The following PRPF8 variants were observed in gnomAD, a reference collection of about 807,000 sequenced individuals.
The protein encoded by PRPF8 is pre-mRNA-processing-splicing factor 8.
A neutral mutation model predicts 285.9 loss-of-function variants in PRPF8; 64 were observed. The observed-to-expected ratio is 0.22, with a 90% confidence interval of 0.18 to 0.28. The LOEUF is 0.28. PRPF8 is among the 10% of genes least tolerant of loss of function. The pLI, the probability that PRPF8 is intolerant of heterozygous loss-of-function variation, is 1.00. For synonymous variants in PRPF8, 1,325 were observed against 1,118.2 expected, an observed-to-expected ratio of 1.18 and a Z score of -3.69; for missense variants, 1,426 against 3,026.7, an observed-to-expected ratio of 0.47 and a Z score of 12.41.
chr17:1,655,046 C>A, intron 37 of PRPF8: 2 of 382,000 alleles, frequency 5.2e-6, no homozygotes, highest in South Asian at 4.7e-5. Context: ...GCAACCTCTG[C>A]CCCCAGGTTC....
intron 36 of PRPF8, 25 bp from the exon 37 acceptor site, chr17:1,655,568 G>A (rs1911325795): frequency 1.3e-6 from 2 of 1,578,978 alleles, no homozygotes; most frequent in Non-Finnish European, 8.7e-7. Context: ...GGAAGAGTGG[G>A]GTAGGTCAGC....
At chr17:1,655,319 T>A (rs755839565) in intron 37 of PRPF8, 31 bp downstream of exon 37, 2 of 1,611,654 alleles carry the variant, frequency 1.2e-6, no homozygotes. Context: ...TATATAGACC[T>A]CCTGTCTGTG....
rs1485195703 is a variant in PRPF8 at position 1,676,399 on chromosome 17, C to T, written c.2389-29G>A. ...TAAGGTGGACATGAAATTAGCCTCC[C>T]GCTACAGCCCGATCCTGCCAGAACA... On this transcript the variant is annotated intron_variant, in intron 16 of 42. Transcript: ENST00000304992. This position sits in a 1 kb window ranked among gnomAD's most constrained non-coding sequence, Gnocchi z 6.3. 2.9e-5 allele frequency: 47 copies of T among 1,613,954 alleles called. No homozygotes were observed. The highest frequency in any genetic ancestry group is 8.3e-5 in the Admixed American group (5 of 60,000).
intron 24 of PRPF8, among the ~76,000 whole-genome samples, chr17:1,672,563 G>A (rs980674157): frequency 1.3e-5 from 2 of 152,202 alleles, no homozygotes; most frequent in Non-Finnish European, 2.9e-5. Flanking sequence ...GATTACAGGC[G>A]TGAGCCACCG....
In PRPF8 at chr17:1,660,495, G is replaced by A. The variant is rs922718068; in HGVS notation, c.4722C>T (p.Ile1574=). 1.2e-6 allele frequency: 2 copies of A among 1,614,090 alleles called. No individual in the cohort carries two copies. Among genetic ancestry groups the A allele is most frequent in the South Asian group, 1.1e-5 (1 of 91,092 alleles). ...GCCACAAGTGAGCTCGGAAGATCTG[G>A]ATGAGAGAGATCTTCAGCGTGGGGA... ...GKIPTLKISL[I]QIFRAHLWQK... The change falls in exon 30 of 43, where the codon ATC becomes ATT. Residue 1574 remains isoleucine, a synonymous_variant. Transcript: ENST00000304992.
At position 1,682,149 on chromosome 17, in the gene PRPF8, A is replaced by G. The variant is rs562909833; in HGVS notation, c.414T>C (p.Pro138=). 2 of 1,614,066 alleles carry G rather than the reference A, an allele frequency of 1.2e-6. No individual in the cohort carries two copies. The highest frequency in any genetic ancestry group is 2.7e-5 in the African/African-American group (2 of 75,008). The change falls in exon 4 of 43, where the codon CCT becomes CCC. Residue 138 remains proline (P), a synonymous_variant. Transcript: ENST00000304992. ...CTCACCCCCACTGGGAGATGTAGAC[A>G]GGTTCAATGACCCAGGGAATCTCAT... ...FVNEIPWVIE[P]VYISQWGSMW... is the part of the protein sequence containing the mutation.
chr17:1,675,496 AC>A lies in PRPF8; in HGVS notation c.2872+123del, dbSNP rs1410832364. ...TGGGCTTTTCCTCAGTTTAACACGA[AC>A]ACTACTTCCCTTTACTACCACGCAT... On this transcript the variant is annotated intron_variant, in intron 19 of 42. Transcript: ENST00000304992. The surrounding 1 kb of genome is among the most constrained non-coding windows in gnomAD (Gnocchi z 6.0). The A allele has an allele frequency of 4.1e-6, 6 of 1,460,234 alleles. No homozygotes were observed. The highest frequency in any genetic ancestry group is 2.1e-4 in the Middle Eastern group (1 of 4,740). 90.5% of individuals were successfully genotyped at this position (1,460,234 alleles called of 1,614,324 possible).
In PRPF8 at chr17:1,679,506, A is replaced by G; in HGVS notation, c.1290-96T>C. ...GGGTTGTCTACCATTTTTATGGGAA[A>G]AAAAAAAAAAGAATTTAAAAAAAAG... is the stretch of plus-strand genomic sequence containing the variant. On this transcript the variant is annotated intron_variant, in intron 9 of 42. Transcript: ENST00000304992. This position sits in a 1 kb window ranked among gnomAD's most constrained non-coding sequence, Gnocchi z 4.7. 6 of 1,537,102 alleles carry G rather than the reference A, an allele frequency of 3.9e-6. No homozygotes were observed. Among genetic ancestry groups the G allele is most frequent in the African/African-American group, 3.1e-5 (2 of 65,126 alleles).
chr17:1,679,813 C>T lies in PRPF8; in HGVS notation c.1099-14G>A. ...TGGTTCCTGGCTCTGAAAAAGGAAT[C>T]CCTCTAAGGGTTTAGCTCCTGCTGA... is the stretch of plus-strand genomic sequence containing the variant. On this transcript the variant is annotated splice_polypyrimidine_tract_variant and intron_variant, in intron 8 of 42. Transcript: ENST00000304992. The surrounding 1 kb of genome is among the most constrained non-coding windows in gnomAD (Gnocchi z 4.7). 4 of 1,614,150 alleles carry T rather than the reference C, an allele frequency of 2.5e-6. No homozygotes were observed. Among genetic ancestry groups the T allele is most frequent in the Non-Finnish European group, 3.4e-6 (4 of 1,179,996 alleles).
At chr17:1,682,677 A>G (rs1912998527) in intron 3 of PRPF8, among the ~76,000 whole-genome samples, 3 of 152,230 alleles carry the variant, frequency 2.0e-5, no homozygotes, top group African/African-American at 7.2e-5. Flanking sequence ...CACTGCAGAA[A>G]GGCGGAGATT....
Position 1,675,220 on chromosome 17 carries a change from G to A in PRPF8, c.2992C>T (p.Arg998Cys), listed in dbSNP as rs1249360602. The A allele has an allele frequency of 4.3e-6, 7 of 1,614,038 alleles. No homozygotes were observed. Among genetic ancestry groups the A allele is most frequent in the Non-Finnish European group, 5.1e-6 (6 of 1,180,046 alleles). The change falls in exon 20 of 43, where the codon CGC (arginine) becomes TGC (cysteine). Residue 998 changes from arginine to cysteine, a missense_variant. Arg to Cys is a radical substitution (Grantham distance 180). This residue lies in a region of PRPF8 where 32 missense variants were observed against 89.2 expected (regional missense o/e 0.36). Coordinates refer to ENST00000304992, the MANE Select transcript of PRPF8 (RefSeq NM_006445.4). This position sits in a 1 kb window ranked among gnomAD's most constrained non-coding sequence, Gnocchi z 6.0. ...GCTATGTTGTGGTCCACGATGAGGCGCAGCAGCCTGTTGAGCAGAGTCAAG... is the reference window on the plus strand; with the variant it reads ...GCTATGTTGTGGTCCACGATGAGGCACAGCAGCCTGTTGAGCAGAGTCAAG... ...IDLTLLNRLL[R>C]LIVDHNIADY... is the part of the protein sequence containing the mutation.
chr17:1,683,472 G>A (rs1236258389), intron 3 of PRPF8, 61 bp downstream of exon 3: 10 of 1,566,658 alleles, frequency 6.4e-6, no homozygotes, highest in Admixed American at 3.3e-5. Context: ...CCAAGACTGT[G>A]GGACAGGGAG....
At chr17:1,670,293 G>C (rs1196322958) in intron 24 of PRPF8, among the ~76,000 whole-genome samples, 1 of 152,134 alleles carries the variant, frequency 6.6e-6, no homozygotes, top group Non-Finnish European at 1.5e-5. Context: ...TCCTAAACCT[G>C]TTCTTGTTCA....
At chr17:1,677,467 G>C in intron 14 of PRPF8, 98 bp downstream of exon 14, 1 of 1,560,156 alleles carries the variant, frequency 6.4e-7, no homozygotes, top group Non-Finnish European at 8.8e-7. Context: ...CAATCCAGTA[G>C]GAAGAGTGCT....
Position 1,653,951 on chromosome 17 carries a change from G to A in PRPF8, c.6053C>T (p.Ala2018Val). 1.2e-6 allele frequency: 2 copies of A among 1,613,634 alleles called. No individual in the cohort carries two copies. Among genetic ancestry groups the A allele is most frequent in the Non-Finnish European group, 1.7e-6 (2 of 1,179,864 alleles). The change falls in exon 38 of 43, where the codon GCA becomes GTA. Residue 2018 changes from alanine to valine, a missense_variant. Around this residue, in one of 34 missense-constraint regions of PRPF8, gnomAD observed 160 missense variants for 373.7 expected, o/e 0.43. Coordinates refer to ENST00000304992, the MANE Select transcript of PRPF8 (RefSeq NM_006445.4). The surrounding 1 kb of genome is among the most constrained non-coding windows in gnomAD (Gnocchi z 4.9). ...RDIILGMEISAPSQQRQQIAE... is the reference protein window; with the variant it reads ...RDIILGMEISVPSQQRQQIAE... ...GATCTGCTGCCGCTGCTGTGACGGT[G>A]CCGAGATCTCCATACCCAGGATGAT...
intron 24 of PRPF8, among the ~76,000 whole-genome samples, chr17:1,664,539 G>A (rs188934355): frequency 6.6e-6 from 1 of 152,268 alleles, no homozygotes; most frequent in East Asian, 1.9e-4. Context: ...AGGTGCAGTA[G>A]CTCATGCCCG....
Position 1,655,205 on chromosome 17 carries a change from A to C in PRPF8, c.5987+145T>G, listed in dbSNP as rs562371523. 658 of 834,966 alleles carry C rather than the reference A, an allele frequency of 7.9e-4. 4 individuals are homozygous for C. Among genetic ancestry groups the C allele is most frequent in the Middle Eastern group, 6.8e-3 (20 of 2,962 alleles). The allele number at this position is 834,966 out of a possible 1,614,324, so 51.7% of individuals were successfully genotyped here. On this transcript the variant is annotated intron_variant, in intron 37 of 42. Transcript: ENST00000304992. ...ACTCCTGACCTCAAATGATCTACCCACCTTGGCCTCCCAAAGTGCTGGGAT... is the reference window on the plus strand; with the variant it reads ...ACTCCTGACCTCAAATGATCTACCCCCCTTGGCCTCCCAAAGTGCTGGGAT...
rs376987717 is a variant in PRPF8 at position 1,678,897 on chromosome 17, A to G, written c.1600-16T>C. 2.1e-5 allele frequency: 34 copies of G among 1,614,022 alleles called. No homozygotes were observed. Among genetic ancestry groups the G allele is most frequent in the Non-Finnish European group, 2.9e-5 (34 of 1,180,038 alleles). On this transcript the variant is annotated splice_polypyrimidine_tract_variant and intron_variant, in intron 11 of 42. Transcript: ENST00000304992. ...TCTTTCTTTCCTGGAGAAGATGCAA[A>G]AAACAGACAGAACGTGAATGAGCAA...
chr17:1,668,728 C>T (rs62089965), intron 24 of PRPF8, among the ~76,000 whole-genome samples: 3,793 of 152,150 alleles, frequency 0.025, 67 homozygotes, highest in Middle Eastern at 0.041. Context: ...TCTAACAGAG[C>T]TCTATTCCTT....
Sources: allele counts gnomAD v4.1 joint callset (sites outside exome capture counted in the v4.1 genomes callset), GRCh38; gene constraint gnomAD v4.1.1; regional missense constraint gnomAD v4.1.1; non-coding constraint Gnocchi (gnomAD v3.1); transcripts MANE v1.5; gene names NCBI Gene and HGNC (gene_info 2026-07-23, HGNC 2026-07-21).